ADCY8: variants seen among roughly 807,000 people sequenced by gnomAD.
ADCY8 encodes adenylate cyclase type 8.
ADCY8 carries 51 observed loss-of-function variants against 119.7 expected under a neutral mutation model. The observed-to-expected ratio is 0.43, with a 90% CI of 0.34 to 0.54. The LOEUF is 0.54. Ranked by LOEUF, ADCY8 falls within the 20% of genes least tolerant of loss-of-function variation. The pLI, the probability that ADCY8 is intolerant of heterozygous loss-of-function variation, is 0.03. For missense variants in ADCY8, 1,383 were observed against 1,598.8 expected (o/e 0.87, Z 2.30); for synonymous variants, 665 against 651.0 (o/e 1.02, Z -0.33).
intron 5 of ADCY8, among the ~76,000 whole-genome samples, chr8:130,921,298 A>G (rs1461080421): frequency 6.6e-6 from 1 of 152,166 alleles, no homozygotes; most frequent in Admixed American, 6.5e-5. Flanking sequence ...TAAATAAAAA[A>G]TTAAAAAAGC....
At position 130,847,508 on chromosome 8, in the gene ADCY8, C is replaced by T; in HGVS notation, c.2418G>A (p.Trp806Ter). 6.3e-7 allele frequency: 1 copy of T among 1,598,610 alleles called. No individual in the cohort carries two copies. Among genetic ancestry groups the T allele is most frequent in the African/African-American group, 1.4e-5 (1 of 72,436 alleles). The change falls in exon 11 of 18, where the codon TGG becomes TGA. Residue 806 changes from tryptophan to a stop codon, truncating the protein, a stop_gained. Coordinates refer to ENST00000286355, the MANE Select transcript of ADCY8 (RefSeq NM_001115.3). LOFTEE classifies it high-confidence loss of function. ...NFLGAILNIL[W>*]CDFDKSIPLK... Reference sequence around the variant, plus strand: ...AGGGTATCGACTTGTCAAAATCACACCACAGCTGCGGATTAAAAAAAAAAA... The same window carrying T: ...AGGGTATCGACTTGTCAAAATCACATCACAGCTGCGGATTAAAAAAAAAAA...
chr8:130,943,271 G>T (rs1201545290), intron 4 of ADCY8, 80 bp downstream of exon 4: 6 of 1,027,508 alleles, frequency 5.8e-6, no homozygotes, highest in Admixed American at 5.8e-5. Flanking sequence ...GGGGAAGAAG[G>T]CTGAATCCTT....
chr8:130,957,650 A>T (rs1395001392), intron 2 of ADCY8, among the ~76,000 whole-genome samples: 1 of 152,154 alleles, frequency 6.6e-6, no homozygotes, highest in African/African-American at 2.4e-5. Context: ...GGCCTAGGAA[A>T]AAATGGTTTA....
At chr8:130,982,394 T>C (rs1822266660) in intron 2 of ADCY8, among the ~76,000 whole-genome samples, 1 of 152,234 alleles carries the variant, frequency 6.6e-6, no homozygotes, top group African/African-American at 2.4e-5. Flanking sequence ...GGGCGGGGCA[T>C]CTGAGCATCA....
At chr8:130,918,355 G>C (rs1820193848) in intron 5 of ADCY8, among the ~76,000 whole-genome samples, 1 of 152,094 alleles carries the variant, frequency 6.6e-6, no homozygotes, top group Non-Finnish European at 1.5e-5. Flanking sequence ...CTTCTAATAA[G>C]GGCACTAAGC....
Position 130,785,410 on chromosome 8 carries a change from G to C in ADCY8, c.3126C>G (p.Ala1042=). The change falls in exon 16 of 18, where the codon GCC becomes GCG. Residue 1042 remains alanine (A), a synonymous_variant. Transcript: ENST00000286355. ...KIKTIGSTYM[A]VSGLSPEKQQ... ...GTTTTTCAGGTGACAGGCCTGACAC[G>C]GCCATGTAGGTGCTGCCAATGGTCT... 1 of 1,607,840 alleles carries C rather than the reference G, an allele frequency of 6.2e-7. No homozygotes were observed. Among genetic ancestry groups the C allele is most frequent in the Admixed American group, 1.7e-5 (1 of 59,314 alleles).
At chr8:130,980,997 T>C (rs1414568340) in intron 2 of ADCY8, among the ~76,000 whole-genome samples, 1 of 152,244 alleles carries the variant, frequency 6.6e-6, no homozygotes, top group East Asian at 1.9e-4. Flanking sequence ...CTGCTAGCTG[T>C]GTCCTATCTT....
At chr8:130,824,670 T>C (rs1816620347) in intron 12 of ADCY8, among the ~76,000 whole-genome samples, 1 of 152,248 alleles carries the variant, frequency 6.6e-6, no homozygotes, top group Non-Finnish European at 1.5e-5. Context: ...GTGGATTATT[T>C]CCTGGTTGTT....
At chr8:130,825,006 G>A (rs1240770814) in intron 12 of ADCY8, among the ~76,000 whole-genome samples, 2 of 152,048 alleles carry the variant, frequency 1.3e-5, no homozygotes, top group Non-Finnish European at 2.9e-5. Flanking sequence ...CTTCTCATTG[G>A]TTAAAATCCT....
chr8:130,860,079 A>G (rs1459707097), intron 9 of ADCY8, among the ~76,000 whole-genome samples: 2 of 151,970 alleles, frequency 1.3e-5, no homozygotes, highest in African/African-American at 2.4e-5. Context: ...ACAGTTATTT[A>G]TTTATTTATA....
At chr8:130,983,337 G>A (rs1275890394) in intron 2 of ADCY8, among the ~76,000 whole-genome samples, 8 of 152,246 alleles carry the variant, frequency 5.3e-5, no homozygotes, top group African/African-American at 1.4e-4. Flanking sequence ...ATGTATGGAC[G>A]TCTCTGTCCT....
intron 14 of ADCY8, among the ~76,000 whole-genome samples, chr8:130,805,545 G>A (rs1412450357): frequency 6.6e-6 from 1 of 152,162 alleles, no homozygotes; most frequent in African/African-American, 2.4e-5. Context: ...GGTTGGAGAA[G>A]TGGGAATAGG....
chr8:130,819,536 C>T (rs532235295), intron 13 of ADCY8, among the ~76,000 whole-genome samples: 28 of 152,144 alleles, frequency 1.8e-4, no homozygotes, highest in African/African-American at 5.8e-4. Flanking sequence ...TATGGAATGA[C>T]GACCCTTACC....
chr8:131,005,556 C>T (rs917486619), intron 1 of ADCY8, among the ~76,000 whole-genome samples: 10 of 152,208 alleles, frequency 6.6e-5, no homozygotes, highest in Non-Finnish European at 1.3e-4. Flanking sequence ...GTGTCCCACT[C>T]TTTGCCCAGA....
At chr8:130,831,554 G>A (rs942196523) in intron 12 of ADCY8, among the ~76,000 whole-genome samples, 1 of 152,196 alleles carries the variant, frequency 6.6e-6, no homozygotes, top group Non-Finnish European at 1.5e-5. Context: ...GGGGATATAT[G>A]TGCAGAAGCT....
chr8:130,988,393 C>T (rs1048854281), intron 2 of ADCY8, among the ~76,000 whole-genome samples: 1 of 152,174 alleles, frequency 6.6e-6, no homozygotes, highest in African/African-American at 2.4e-5. Flanking sequence ...TTACTTAATC[C>T]TAGGAACAAA....
At chr8:130,846,883 TTCCCTTTCCTTCC>T (rs1217304230) in intron 11 of ADCY8, among the ~76,000 whole-genome samples, 1 of 16,452 alleles carries the variant, frequency 6.1e-5, no homozygotes, top group Non-Finnish European at 1.0e-4. Context: ...TTCCCTTCCC[TTCCCTTTCCTTCC>T]TTCCTTCCTT....
At chr8:130,948,526 A>G (rs73718839) in intron 3 of ADCY8, among the ~76,000 whole-genome samples, 21,039 of 152,176 alleles carry the variant, frequency 0.14, 4,488 homozygotes, top group African/African-American at 0.46. Flanking sequence ...GGGCACACGA[A>G]TGCCCCCAAG....
intron 5 of ADCY8, among the ~76,000 whole-genome samples, chr8:130,914,137 T>C (rs1209020133): frequency 1.3e-5 from 2 of 152,200 alleles, no homozygotes; most frequent in African/African-American, 4.8e-5. Flanking sequence ...ACTAAACTGG[T>C]ACTGTTGTGT....
Sources: allele counts gnomAD v4.1 joint callset (sites outside exome capture counted in the v4.1 genomes callset), GRCh38; gene constraint gnomAD v4.1.1; transcripts MANE v1.5; gene names NCBI Gene and HGNC (gene_info 2026-07-23, HGNC 2026-07-21).